Variants in KCNQ2 observed in about 807,000 individuals in gnomAD.
KCNQ2 encodes potassium voltage-gated channel subfamily KQT member 2.
Under a neutral mutation model 84.8 loss-of-function variants are expected in KCNQ2, and 14 were observed. The observed-to-expected ratio is 0.17, with a 90% CI of 0.11 to 0.26. KCNQ2 has a LOEUF of 0.26. KCNQ2 is among the 10% of genes least tolerant of loss of function. KCNQ2 has a pLI of 1.00. For missense variants in KCNQ2, 788 were observed against 1,254.0 expected (o/e 0.63, Z 5.61); for synonymous variants, 599 against 554.1 (o/e 1.08, Z -1.14).
intron 1 of KCNQ2, among the ~76,000 whole-genome samples, chr20:63,450,131 G>A (rs1241090212): frequency 7.6e-4 from 31 of 40,848 alleles, no homozygotes; most frequent in African/African-American, 2.9e-3. Context: ...GCCTCACCCC[G>A]TCCCTCACTT....
In KCNQ2 at chr20:63,460,821, C is replaced by T. The variant is rs1430149758; in HGVS notation, c.296+11347G>A. ...GTCCCCAGGACAGCTGTGGTGTCGA[C>T]ATCCACGCAGGGACACCACACAACA... On this transcript the variant is annotated intron_variant, in intron 1 of 16. Coordinates refer to ENST00000359125, the MANE Select transcript of KCNQ2 (RefSeq NM_172107.4). This position sits in a 1 kb window ranked among gnomAD's most constrained non-coding sequence, Gnocchi z 5.4. The T allele has an allele frequency of 6.6e-6, 1 of 152,262 alleles. No individual in the cohort carries two copies. Among genetic ancestry groups the T allele is most frequent in the Non-Finnish European group, 1.5e-5 (1 of 68,060 alleles). The allele number at this position is 152,262 out of a possible 1,614,324, so 9.4% of individuals were successfully genotyped here.
chr20:63,421,955 C>T (rs867201934), intron 11 of KCNQ2, among the ~76,000 whole-genome samples: 6 of 152,322 alleles, frequency 3.9e-5, no homozygotes, highest in Middle Eastern at 3.4e-3. Context: ...CCCCGCCAGC[C>T]GGGTCGCCTG....
In KCNQ2 at chr20:63,472,307, T is replaced by C; in HGVS notation, c.157A>G (p.Ile53Val). The C allele has an allele frequency of 6.5e-7, 1 of 1,538,078 alleles. No individual in the cohort carries two copies. Among genetic ancestry groups the C allele is most frequent in the South Asian group, 1.2e-5 (1 of 82,640 alleles). Reference sequence around the variant, plus strand: ...CCGCCCGCGCGAGGTTTGCTGAGGATGCTGCCGCGCTTGGGGGCCTCGGAG... The same window carrying C: ...CCGCCCGCGCGAGGTTTGCTGAGGACGCTGCCGCGCTTGGGGGCCTCGGAG... ...AGSEAPKRGS[I>V]LSKPRAGGAG... Residue 53 changes from isoleucine (I) to valine (V), a missense_variant, in exon 1 of 17, where the codon ATC (isoleucine) becomes GTC (valine). Around this residue, in one of 8 missense-constraint regions of KCNQ2, gnomAD observed 106 missense variants for 214.8 expected, o/e 0.49. Transcript: ENST00000359125.
chr20:63,418,648 G>A (rs962361885), intron 12 of KCNQ2, among the ~76,000 whole-genome samples: 3 of 152,180 alleles, frequency 2.0e-5, no homozygotes, highest in Non-Finnish European at 4.4e-5. Context: ...TAGATGCTCC[G>A]GACACGCAGG....
chr20:63,442,335 G>A, intron 5 of KCNQ2, 71 bp downstream of exon 5: 1 of 1,611,024 alleles, frequency 6.2e-7, no homozygotes, highest in South Asian at 1.1e-5. Context: ...CAGCCAGTGA[G>A]AGCCTGGTCC....
chr20:63,443,514 C>CCACCAT (rs563721974), intron 4 of KCNQ2: 1 of 83,958 alleles, frequency 1.2e-5, no homozygotes, highest in Admixed American at 1.2e-4. Context: ...ACCACGATCA[C>CCACCAT]CACCATCACC....
intron 14 of KCNQ2, 104 bp from the exon 15 acceptor site, chr20:63,413,685 T>C: frequency 7.5e-7 from 1 of 1,336,456 alleles, no homozygotes; most frequent in Non-Finnish European, 1.1e-6. Context: ...TGGAGATGGC[T>C]GGACTTGCCC....
chr20:63,438,272 G>C lies in KCNQ2; in HGVS notation c.1023+353C>G. The C allele has an allele frequency of 2.5e-6, 1 of 407,110 alleles. No homozygotes were observed. Among genetic ancestry groups the C allele is most frequent in the Non-Finnish European group, 4.6e-6 (1 of 215,642 alleles). The allele number at this position is 407,110 out of a possible 1,614,324, so 25.2% of individuals were successfully genotyped here. Reference sequence around the variant, plus strand: ...CAGGGGTCAGACGAGGTCAGGCACTGACTCACTGCAGTGTGTGGGCTCTAG... The same window carrying C: ...CAGGGGTCAGACGAGGTCAGGCACTCACTCACTGCAGTGTGTGGGCTCTAG... On this transcript the variant is annotated intron_variant, in intron 7 of 16. Coordinates refer to ENST00000359125, the MANE Select transcript of KCNQ2 (RefSeq NM_172107.4). This position sits in a 1 kb window ranked among gnomAD's most constrained non-coding sequence, Gnocchi z 5.1.
At chr20:63,442,164 G>A (rs2060188658) in intron 5 of KCNQ2, among the ~76,000 whole-genome samples, 1 of 152,006 alleles carries the variant, frequency 6.6e-6, no homozygotes, top group East Asian at 1.9e-4. Context: ...GAGCTCAGGA[G>A]GAAGGAAGAT....
intron 8 of KCNQ2, among the ~76,000 whole-genome samples, chr20:63,432,698 C>T (rs2080856250): frequency 8.0e-6 from 1 of 125,016 alleles, no homozygotes; most frequent in African/African-American, 2.7e-5. Flanking sequence ...AAGGCCCCAC[C>T]CTCTGGGAAG....
At position 63,472,281 on chromosome 20, in the gene KCNQ2, G is replaced by C; in HGVS notation, c.183C>G (p.Gly61=). Residue 61 remains glycine, a synonymous_variant, in exon 1 of 17, where the codon GGC becomes GGG. Transcript: ENST00000359125. The part of the protein sequence containing the change: ...GSILSKPRAG[G]AGAGKPPKRN... ...GCTTGGGGGGCTTCCCGGCGCCCGC[G>C]CCGCCCGCGCGAGGTTTGCTGAGGA... 1 of 1,536,582 alleles carries C rather than the reference G, an allele frequency of 6.5e-7. No homozygotes were observed. Among genetic ancestry groups the C allele is most frequent in the Non-Finnish European group, 8.8e-7 (1 of 1,141,752 alleles).
At chr20:63,442,878 T>TCAC (rs1568935015) in intron 4 of KCNQ2, among the ~76,000 whole-genome samples, 1 of 6,398 alleles carries the variant, frequency 1.6e-4, no homozygotes, top group Non-Finnish European at 3.3e-4. Context: ...ATCACCATTA[T>TCAC]CACCACCACC....
intron 15 of KCNQ2, among the ~76,000 whole-genome samples, chr20:63,410,662 C>T (rs574208433): frequency 6.6e-6 from 1 of 152,332 alleles, no homozygotes; most frequent in South Asian, 2.1e-4. Context: ...CCCAGAAACT[C>T]CGTTCTCACG....
intron 11 of KCNQ2, 52 bp downstream of exon 11, chr20:63,424,125 C>T (rs1291290005): frequency 1.9e-6 from 3 of 1,548,130 alleles, no homozygotes; most frequent in Non-Finnish European, 2.6e-6. Context: ...GGGAGAGAGA[C>T]CAGACGGCCG....
rs1601545951 is a variant in KCNQ2 at position 63,407,486 on chromosome 20, A to C, written c.1888-111T>G. The C allele has an allele frequency of 8.5e-7, 1 of 1,176,332 alleles. No individual in the cohort carries two copies. The highest frequency in any genetic ancestry group is 1.2e-6 in the Non-Finnish European group (1 of 835,832). 72.9% of individuals were successfully genotyped at this position (1,176,332 alleles called of 1,614,324 possible). ...CCAGGCTGGTTCCAGGAAACAGGAG[A>C]GACCCAGGCTAGTCCCAGGAAACGG... On this transcript the variant is annotated intron_variant, in intron 16 of 16. Transcript: ENST00000359125. The surrounding 1 kb of genome is among the most constrained non-coding windows in gnomAD (Gnocchi z 7.2).
rs567415971 is a variant in KCNQ2 at position 63,446,412 on chromosome 20, G to A, written c.387+335C>T. Among the ~76,000 whole-genome samples the A allele has an allele frequency of 1.6e-4, 24 of 152,312 alleles. No homozygotes were observed. Among genetic ancestry groups the A allele is most frequent in the African/African-American group, 5.8e-4 (24 of 41,562 alleles). ...CCGACGCCCACGTCTGCCGTCTGCT[G>A]GGGACGCCCCACATCTCCGGCTCCA... On this transcript the variant is annotated intron_variant, in intron 2 of 16. Transcript: ENST00000359125. This position sits in a 1 kb window ranked among gnomAD's most constrained non-coding sequence, Gnocchi z 5.5.
chr20:63,420,753 A>C (rs1203557094), intron 11 of KCNQ2, among the ~76,000 whole-genome samples: 1 of 151,856 alleles, frequency 6.6e-6, no homozygotes, highest in Non-Finnish European at 1.5e-5. Flanking sequence ...ACCAGCCTGC[A>C]AGACTCCAAG....
In KCNQ2 at chr20:63,413,472, G is replaced by A. The variant is rs118192236; in HGVS notation, c.1741C>T (p.Arg581Ter). 1.2e-6 allele frequency: 2 copies of A among 1,613,142 alleles called. No individual in the cohort carries two copies. The highest frequency in any genetic ancestry group is 1.7e-6 in the Non-Finnish European group (2 of 1,180,010). The change falls in exon 15 of 17, where the codon CGA becomes TGA. Residue 581 changes from arginine (R) to a stop codon, truncating the protein, a stop_gained. Coordinates refer to ENST00000359125, the MANE Select transcript of KCNQ2 (RefSeq NM_172107.4). LOFTEE classifies it high-confidence loss of function. ...TGCCTGGACTGCAGGCTCTTAATTC[G>A]GGACAGCATGTCCAGGTGGCCGGCT... ...YSAGHLDMLS[R>*]IKSLQSRVDQ...
chr20:63,416,457 C>T (rs1435534520), intron 12 of KCNQ2, among the ~76,000 whole-genome samples: 1 of 152,198 alleles, frequency 6.6e-6, no homozygotes, highest in Non-Finnish European at 1.5e-5. Context: ...GCATCAGAAC[C>T]CCCTGGCTCC....
Sources: gnomAD v4.1 joint callset for allele counts (sites outside exome capture counted in the v4.1 genomes callset) on GRCh38, gnomAD v4.1.1 for gene constraint, gnomAD v4.1.1 regional missense constraint, Gnocchi (gnomAD v3.1) non-coding constraint, MANE v1.5 for transcripts, NCBI Gene and HGNC (gene_info 2026-07-23, HGNC 2026-07-21) for gene names.